Variants in DPP10 observed in about 807,000 individuals in gnomAD.
DPP10 encodes the protein inactive dipeptidyl peptidase 10.
A neutral mutation model predicts 120.9 loss-of-function variants in DPP10; 33 were observed. That is an observed-to-expected ratio of 0.27 (90% CI 0.21 to 0.37). DPP10 has a LOEUF of 0.37. DPP10 is among the 10% of genes least tolerant of loss of function. The probability of loss-of-function intolerance (pLI) is 1.00; values close to 1 mark genes in which losing one functional copy is unlikely to be tolerated. For synonymous variants in DPP10, 337 were observed against 326.1 expected (o/e 1.03, Z -0.36); for missense variants, 816 against 942.8 (o/e 0.87, Z 1.76).
intron 2 of DPP10, among the ~76,000 whole-genome samples, chr2:115,324,688 A>AT (rs1271763717): frequency 5.3e-5 from 8 of 152,320 alleles, no homozygotes; most frequent in African/African-American, 1.9e-4. Flanking sequence ...TGTATGTTCA[A>AT]TAGATTAGCA....
intron 1 of DPP10, among the ~76,000 whole-genome samples, chr2:114,652,152 G>A (rs1696636511): frequency 6.6e-6 from 1 of 152,118 alleles, no homozygotes; most frequent in Non-Finnish European, 1.5e-5. Flanking sequence ...TAAGAAAGAA[G>A]GGGAAGTGCT....
chr2:114,477,389 T>A (rs1284130576), intron 1 of DPP10, among the ~76,000 whole-genome samples: 1 of 152,140 alleles, frequency 6.6e-6, no homozygotes, highest in Admixed American at 6.6e-5. Flanking sequence ...TTTTATGAAA[T>A]ACTACATATA....
chr2:114,772,151 A>G (rs996239483), intron 1 of DPP10, among the ~76,000 whole-genome samples: 2 of 150,496 alleles, frequency 1.3e-5, no homozygotes, highest in Non-Finnish European at 3.0e-5. Context: ...ATTTATTAAT[A>G]TTATTATTAA....
At chr2:115,089,446 G>A (rs532592628) in intron 1 of DPP10, among the ~76,000 whole-genome samples, 51 of 152,248 alleles carry the variant, frequency 3.3e-4, no homozygotes, top group Admixed American at 2.4e-3. Flanking sequence ...GCACTCTGCC[G>A]TTTTCCACAA....
chr2:115,018,166 T>C (rs1486085407), intron 1 of DPP10, among the ~76,000 whole-genome samples: 1 of 152,124 alleles, frequency 6.6e-6, no homozygotes, highest in Non-Finnish European at 1.5e-5. Context: ...AGATACCATC[T>C]CACACCAGTT....
chr2:114,670,670 TAAAGTA>T (rs967882527), intron 1 of DPP10, among the ~76,000 whole-genome samples: 2 of 152,150 alleles, frequency 1.3e-5, no homozygotes, highest in African/African-American at 4.8e-5. Context: ...CCCTAAAACT[TAAAGTA>T]TAATAATAAT....
At chr2:114,624,928 G>C (rs1694400303) in intron 1 of DPP10, among the ~76,000 whole-genome samples, 1 of 151,872 alleles carries the variant, frequency 6.6e-6, no homozygotes, top group Non-Finnish European at 1.5e-5. Context: ...ATTGAAGCAA[G>C]TTCCAAAGAA....
intron 1 of DPP10, among the ~76,000 whole-genome samples, chr2:114,646,029 A>G (rs1050757902): frequency 1.3e-5 from 2 of 151,942 alleles, no homozygotes; most frequent in Admixed American, 1.3e-4. Flanking sequence ...GCGTGGTGGC[A>G]TGCACCTGTA....
intron 1 of DPP10, among the ~76,000 whole-genome samples, chr2:114,568,386 A>C (rs1193461823): frequency 6.6e-6 from 1 of 152,208 alleles, no homozygotes; most frequent in African/African-American, 2.4e-5. Context: ...ACTGGAGGTC[A>C]TTATGTTAAG....
At chr2:114,479,210 G>T (rs1680787632) in intron 1 of DPP10, among the ~76,000 whole-genome samples, 1 of 152,064 alleles carries the variant, frequency 6.6e-6, no homozygotes, top group South Asian at 2.1e-4. Context: ...CCAAGTTTCT[G>T]TTTTGTTTTG....
At chr2:115,638,803 C>G (rs2086554301) in intron 5 of DPP10, among the ~76,000 whole-genome samples, 1 of 152,096 alleles carries the variant, frequency 6.6e-6, no homozygotes, top group African/African-American at 2.4e-5. Context: ...CTACTTAAAG[C>G]CTTGTTGGGT....
intron 1 of DPP10, among the ~76,000 whole-genome samples, chr2:114,581,181 T>C (rs1389900428): frequency 3.2e-5 from 4 of 123,182 alleles, no homozygotes; most frequent in South Asian, 5.9e-4. Flanking sequence ...CTCTTTTTTT[T>C]TTTTTTTTTT....
chr2:115,191,384 A>G (rs939801175), intron 1 of DPP10, among the ~76,000 whole-genome samples: 2 of 152,216 alleles, frequency 1.3e-5, no homozygotes, highest in Admixed American at 1.3e-4. Flanking sequence ...TTTTAGTCTG[A>G]GGAAAGCTAG....
intron 1 of DPP10, among the ~76,000 whole-genome samples, chr2:115,119,460 G>T (rs1250541318): frequency 1.3e-5 from 2 of 152,158 alleles, no homozygotes; most frequent in African/African-American, 2.4e-5. Context: ...CATTCCAGAT[G>T]GGGGGCCCTC....
chr2:115,697,581 A>AAT (rs34075750), intron 7 of DPP10, among the ~76,000 whole-genome samples: 29,827 of 149,040 alleles, frequency 0.2, 3,533 homozygotes, highest in Non-Finnish European at 0.27. Flanking sequence ...AATTGAAGGG[A>AAT]ATATATATAT....
intron 1 of DPP10, among the ~76,000 whole-genome samples, chr2:114,553,663 G>A (rs1028646965): frequency 2.0e-5 from 3 of 152,078 alleles, no homozygotes; most frequent in African/African-American, 7.2e-5. Context: ...TAGGCTGTCA[G>A]CTATCTCAAA....
intron 2 of DPP10, among the ~76,000 whole-genome samples, chr2:115,333,251 C>T (rs1181203047): frequency 6.6e-6 from 1 of 151,980 alleles, no homozygotes; most frequent in African/African-American, 2.4e-5. Context: ...ACAACCCCTG[C>T]CTGTTTTTGT....
rs542273851 is a variant in DPP10, at chr2:115,043,738, C to T, written c.61-265501C>T. 2.2e-4 allele frequency among the ~76,000 whole-genome samples: 34 copies of T among 152,136 alleles called. No individual in the cohort carries two copies. In the South Asian group the frequency reaches 5.8e-3, roughly 26 times the overall value. ...TTGATTTTAAAAATTATGGAGAAAA[C>T]GTTTAAAAATTGGCTTTCATTTGAA... On this transcript the variant is annotated intron_variant, in intron 1 of 25. Coordinates refer to ENST00000410059, the MANE Select transcript of DPP10 (RefSeq NM_020868.6).
At chr2:115,262,048 A>C (rs944730623) in intron 1 of DPP10, among the ~76,000 whole-genome samples, 1 of 152,130 alleles carries the variant, frequency 6.6e-6, no homozygotes, top group African/African-American at 2.4e-5. Flanking sequence ...CATTTTTGAG[A>C]TTCCATTTTC....
Sources: gnomAD v4.1 joint callset for allele counts (sites outside exome capture counted in the v4.1 genomes callset) on GRCh38, gnomAD v4.1.1 for gene constraint, MANE v1.5 for transcripts, NCBI Gene and HGNC (gene_info 2026-07-23, HGNC 2026-07-21) for gene names.